BCAS2: variants seen among roughly 807,000 people sequenced by gnomAD.
BCAS2 encodes the protein BCAS2 pre-mRNA processing factor.
BCAS2 carries 34 observed loss-of-function variants against 35.3 expected under a neutral mutation model. That is an observed-to-expected ratio of 0.96 (90% CI 0.73 to 1.28). The LOEUF (loss-of-function observed/expected upper bound fraction) is 1.28. Among genes scored for constraint, BCAS2 ranks in the 50% most tolerant of loss-of-function variants. BCAS2 has a pLI of 0.00. For synonymous variants in BCAS2, 75 were observed against 91.6 expected (o/e 0.82, Z 1.03); for missense variants, 221 against 268.1 (o/e 0.82, Z 1.23).
chr1:114,571,240 T>C lies in BCAS2; in HGVS notation c.420-490A>G, dbSNP rs529162972. On this transcript the variant is annotated intron_variant, in intron 4 of 6. Coordinates refer to ENST00000369541, the MANE Select transcript of BCAS2 (RefSeq NM_005872.3). ...TTGCTAATTTTTGTATTTTTTTTTT[T>C]AGTAGAGATGGGGTTTCACTATGTC... Among the ~76,000 whole-genome samples the C allele has an allele frequency of 1.7e-3, 251 of 152,064 alleles. 2 individuals carry two copies. Among genetic ancestry groups the C allele is most frequent in the African/African-American group, 5.6e-3 (232 of 41,502 alleles).
rs1245342055 is a variant in BCAS2 at position 114,568,156 on chromosome 1, T to A, written c.652A>T (p.Lys218Ter). 2 of 1,613,168 alleles carry A rather than the reference T, an allele frequency of 1.2e-6. No individual in the cohort carries two copies. The highest frequency in any genetic ancestry group is 3.3e-5 in the Admixed American group (2 of 60,028). ...CAGAAGTCTTGCCGGATGTTTTCTTTGTTTGCCTCTCCATGTTGCTGCTTA... is the reference window on the plus strand; with the variant it reads ...CAGAAGTCTTGCCGGATGTTTTCTTAGTTTGCCTCTCCATGTTGCTGCTTA... ...QIKQQHGEANKENIRQDF is the reference protein window; with the variant it reads ...QIKQQHGEAN The change falls in exon 7 of 7, where the codon AAA (lysine) becomes TAA (stop). Residue 218 changes from lysine (K) to a stop codon, truncating the protein, a stop_gained. Coordinates refer to ENST00000369541, the MANE Select transcript of BCAS2 (RefSeq NM_005872.3). LOFTEE classifies it high-confidence loss of function.
chr1:114,576,750 T>C lies in BCAS2; in HGVS notation c.195A>G (p.Ile65Met), dbSNP rs761236968. 1 of 1,609,226 alleles carries C rather than the reference T, an allele frequency of 6.2e-7. No homozygotes were observed. Among genetic ancestry groups the C allele is most frequent in the East Asian group, 2.2e-5 (1 of 44,834 alleles). The part of the protein sequence containing the change: ...APDYSAFETD[I>M]MRNEFERLAA... ...CCAGTCTTTCAAATTCATTTCTCAT[T>C]ATGTCAGTCTGATGTGTAAATCAGA... Residue 65 changes from isoleucine to methionine, a missense_variant, in exon 3 of 7, where the codon ATA becomes ATG. By Grantham distance (10) the Ile-to-Met change is conservative. Transcript: ENST00000369541.
chr1:114,575,034 A>ATT (rs1261877349), intron 4 of BCAS2, among the ~76,000 whole-genome samples: 2 of 133,990 alleles, frequency 1.5e-5, no homozygotes, highest in South Asian at 2.3e-4. Flanking sequence ...TGGCCGGCTA[A>ATT]TCTTTTTTTT....
chr1:114,574,313 GC>G (rs1654710040), intron 4 of BCAS2, among the ~76,000 whole-genome samples: 2 of 152,186 alleles, frequency 1.3e-5, no homozygotes, highest in Admixed American at 1.3e-4. Context: ...GAGGTGCTTT[GC>G]CTTCTTGTTT....
At chr1:114,572,082 G>C (rs2101627098) in intron 4 of BCAS2, among the ~76,000 whole-genome samples, 1 of 151,984 alleles carries the variant, frequency 6.6e-6, no homozygotes, top group East Asian at 1.9e-4. Flanking sequence ...TCACCTACAG[G>C]GTCCATTTTT....
chr1:114,578,799 T>A (rs1439899171), intron 2 of BCAS2, among the ~76,000 whole-genome samples: 2 of 152,240 alleles, frequency 1.3e-5, no homozygotes, highest in African/African-American at 4.8e-5. Flanking sequence ...AGTTGTTAAA[T>A]GAATTAATGA....
In BCAS2 at chr1:114,568,388, C is replaced by T. The variant is rs185677311; in HGVS notation, c.552-132G>A. On this transcript the variant is annotated intron_variant, in intron 6 of 6. Coordinates refer to ENST00000369541, the MANE Select transcript of BCAS2 (RefSeq NM_005872.3). ...CTTCACTTTTTTTTTTTTTTTGAGA[C>T]GGAGTCTCGCTCTTGTTGCCCAGGC... The T allele has an allele frequency of 5.7e-3, 4,944 of 870,164 alleles. 31 individuals are homozygous for T. The highest frequency in any genetic ancestry group is 6.8e-3 in the Non-Finnish European group (4,192 of 618,598). The allele number at this position is 870,164 out of a possible 1,614,324, so 53.9% of individuals were successfully genotyped here.
intron 3 of BCAS2, 61 bp downstream of exon 3, chr1:114,576,627 A>T: frequency 7.3e-7 from 1 of 1,363,576 alleles, no homozygotes; most frequent in Non-Finnish European, 1.0e-6. Context: ...TTCTTCACAA[A>T]TCTCAGCTCA....
chr1:114,576,241 CTCTCTCTA>C (rs1233276234), intron 3 of BCAS2, among the ~76,000 whole-genome samples: 3 of 145,308 alleles, frequency 2.1e-5, no homozygotes, highest in Admixed American at 6.9e-5. Flanking sequence ...CTCTCTCTCT[CTCTCTCTA>C]TATATATATA....
chr1:114,575,924 T>C (rs1341776901), intron 3 of BCAS2, among the ~76,000 whole-genome samples, 173 bp from the exon 4 acceptor site: 1 of 152,212 alleles, frequency 6.6e-6, no homozygotes, highest in East Asian at 1.9e-4. Context: ...TTTACAAATA[T>C]GATTTAGCAC....
At chr1:114,573,122 CAAAAAAAAAAAAAA>C (rs34796829) in intron 4 of BCAS2, among the ~76,000 whole-genome samples, 7 of 6,366 alleles carry the variant, frequency 1.1e-3, no homozygotes, top group Admixed American at 3.1e-3. Flanking sequence ...CCCCCACCTC[CAAAAAAAAAAAAAA>C]AAAAAAAAAA....
At position 114,581,306 on chromosome 1, in the gene BCAS2, GC is replaced by G; in HGVS notation, c.178del (p.Ala60ProfsTer6). On this transcript the variant is annotated frameshift_variant, in exon 2 of 7. Transcript: ENST00000369541. LOFTEE classifies it high-confidence loss of function. ...LSYLTAPDYS[A>X]FETDIMRNEF... ...GGCTCAAGACATACTTACTTCAAAG[GC>G]AGAATAATCCGGGGCTGTCAGGTAG... The G allele has an allele frequency of 6.2e-7, 1 of 1,614,102 alleles. No individual in the cohort carries two copies.
chr1:114,568,508 G>A (rs1654573321), intron 6 of BCAS2, among the ~76,000 whole-genome samples: 1 of 151,790 alleles, frequency 6.6e-6, no homozygotes, highest in South Asian at 2.1e-4. Flanking sequence ...CTGGATTACA[G>A]GCACACGCCA....
chr1:114,579,667 A>C (rs990847289), intron 2 of BCAS2, among the ~76,000 whole-genome samples: 2 of 152,076 alleles, frequency 1.3e-5, no homozygotes, highest in Admixed American at 6.5e-5. Flanking sequence ...GGAGTTCAAG[A>C]CCAGCCTGGC....
intron 3 of BCAS2, 73 bp from the exon 4 acceptor site, chr1:114,575,824 T>C: frequency 4.7e-6 from 7 of 1,498,300 alleles, no homozygotes; most frequent in Non-Finnish European, 6.3e-6. Flanking sequence ...CAGTAGAATG[T>C]CCCATGAGTC....
intron 3 of BCAS2, 77 bp from the exon 4 acceptor site, chr1:114,575,828 A>G: frequency 6.8e-7 from 1 of 1,475,046 alleles, no homozygotes; most frequent in Non-Finnish European, 9.2e-7. Flanking sequence ...AGAATGTCCC[A>G]TGAGTCTCCA....
intron 4 of BCAS2, among the ~76,000 whole-genome samples, chr1:114,573,135 A>C (rs998080400): frequency 2.3e-5 from 3 of 129,942 alleles, no homozygotes; most frequent in African/African-American, 8.5e-5. Flanking sequence ...AAAAAAAAAA[A>C]AAAAAAAAAA....
chr1:114,578,170 CAG>C (rs1654812617), intron 2 of BCAS2, among the ~76,000 whole-genome samples: 1 of 151,946 alleles, frequency 6.6e-6, no homozygotes, highest in South Asian at 2.1e-4. Flanking sequence ...AGCCTGGCAA[CAG>C]AGTGAGACTT....
intron 3 of BCAS2, among the ~76,000 whole-genome samples, 195 bp downstream of exon 3, chr1:114,576,493 G>A (rs1473031803): frequency 2.0e-5 from 3 of 150,820 alleles, no homozygotes; most frequent in Non-Finnish European, 2.9e-5. Context: ...TTGCCATGTT[G>A]CCCAGGCTGG....
Sources: gnomAD v4.1 joint callset for allele counts (sites outside exome capture counted in the v4.1 genomes callset) on GRCh38, gnomAD v4.1.1 for gene constraint, MANE v1.5 for transcripts, NCBI Gene and HGNC (gene_info 2026-07-23, HGNC 2026-07-21) for gene names.